Variants in WWP2 observed in about 807,000 individuals in gnomAD.
The protein encoded by WWP2 is WW domain containing E3 ubiquitin protein ligase 2.
Under a neutral mutation model 121.0 loss-of-function variants are expected in WWP2, and 57 were observed. The observed-to-expected ratio is 0.47, with a 90% confidence interval of 0.38 to 0.59. The LOEUF (loss-of-function observed/expected upper bound fraction) is 0.59. Among genes scored for constraint, WWP2 ranks in the 20% least tolerant of loss-of-function variants. The pLI, the probability that WWP2 is intolerant of heterozygous loss-of-function variation, is 0.00. For synonymous variants in WWP2, 449 were observed against 441.3 expected (o/e 1.02, Z -0.22); for missense variants, 962 against 1,158.9 (o/e 0.83, Z 2.47).
intron 1 of WWP2, among the ~76,000 whole-genome samples, chr16:69,784,967 G>A (rs560848093): frequency 6.6e-6 from 1 of 151,876 alleles, no homozygotes; most frequent in South Asian, 2.1e-4. Flanking sequence ...CGAGTGCAGT[G>A]GTTCACACCT....
At chr16:69,860,853 A>AG (rs397934680) in intron 6 of WWP2, among the ~76,000 whole-genome samples, 3,560 of 148,158 alleles carry the variant, frequency 0.024, 138 homozygotes, top group African/African-American at 0.083. Context: ...AAAAAAAAAA[A>AG]GGAAAGAAAG....
rs778928521 is a variant in WWP2, at chr16:69,925,523, T to C, written c.1234+39T>C. ...TCTCTTCCTGGCCCTTGGCCTTCCGTCAGCCACGGTGCTCTGTCCTCTCCT... is the reference window on the plus strand; with the variant it reads ...TCTCTTCCTGGCCCTTGGCCTTCCGCCAGCCACGGTGCTCTGTCCTCTCCT... On this transcript the variant is annotated intron_variant, in intron 11 of 23. Transcript: ENST00000359154. The surrounding 1 kb of genome is among the most constrained non-coding windows in gnomAD (Gnocchi z 4.0). The C allele has an allele frequency of 2.5e-6, 4 of 1,610,756 alleles. No homozygotes were observed. The South Asian group carries it at 4.4e-5, about 18-fold the overall frequency.
chr16:69,838,996 G>C lies in WWP2; in HGVS notation c.341-1130G>C, dbSNP rs990978193. ...AGAGGGATTTAGAGCAGTCTTTTTT[G>C]GGGGGGTGGGGGAAGGGGGGTTATC... is the stretch of plus-strand genomic sequence containing the variant. On this transcript the variant is annotated intron_variant, in intron 4 of 23. Transcript: ENST00000359154. The C allele has an allele frequency of 1.3e-5, 5 of 380,374 alleles. No individual in the cohort carries two copies. In the Admixed American group the frequency reaches 2.0e-4, roughly 16 times the overall value. 23.6% of individuals were successfully genotyped at this position (380,374 alleles called of 1,614,324 possible).
At chr16:69,794,359 T>A (rs891367399) in intron 2 of WWP2, among the ~76,000 whole-genome samples, 1 of 152,026 alleles carries the variant, frequency 6.6e-6, no homozygotes, top group Admixed American at 6.6e-5. Flanking sequence ...GGAAACCCTG[T>A]CTCTACAAAA....
At chr16:69,882,907 C>T (rs2057856506) in intron 7 of WWP2, among the ~76,000 whole-genome samples, 2 of 152,152 alleles carry the variant, frequency 1.3e-5, no homozygotes, top group African/African-American at 4.8e-5. Flanking sequence ...ACTCCCAGAA[C>T]TTTGGGAGGC....
rs182716735 is a variant in WWP2, at chr16:69,906,307, T to C, written c.915-2454T>C. The stretch of plus-strand genomic sequence containing the variant: ...CAGGATGATCTTGATCTCCTGACCT[T>C]GTGATCTGCCCGCCTTGGCCTCCCA... On this transcript the variant is annotated intron_variant, in intron 8 of 23. Transcript: ENST00000359154. 2.0e-3 allele frequency among the ~76,000 whole-genome samples: 299 copies of C among 152,188 alleles called. 1 individual carries two copies. Among genetic ancestry groups the C allele is most frequent in the Non-Finnish European group, 2.7e-3 (185 of 68,000 alleles).
At chr16:69,830,205 T>C (rs2056769931) in intron 4 of WWP2, among the ~76,000 whole-genome samples, 1 of 152,190 alleles carries the variant, frequency 6.6e-6, no homozygotes, top group Admixed American at 6.5e-5. Flanking sequence ...TCTCTCTGCC[T>C]TGGCCTCCCA....
intron 4 of WWP2, among the ~76,000 whole-genome samples, chr16:69,812,161 C>CTTTTTTTTTT (rs1021541952): frequency 9.2e-6 from 1 of 108,438 alleles, no homozygotes; most frequent in African/African-American, 3.7e-5. Context: ...GAGTACAGAC[C>CTTTTTTTTTT]TTTTTTTTTT....
intron 7 of WWP2, among the ~76,000 whole-genome samples, chr16:69,885,779 T>C (rs149647457): frequency 7.7e-4 from 117 of 152,318 alleles, no homozygotes; most frequent in Non-Finnish European, 1.2e-3. Flanking sequence ...ATATCAATTG[T>C]AACTAACTTG....
intron 8 of WWP2, among the ~76,000 whole-genome samples, chr16:69,889,765 C>T (rs1318777230): frequency 1.3e-5 from 2 of 152,170 alleles, no homozygotes; most frequent in Non-Finnish European, 2.9e-5. Context: ...GGAGGAAACC[C>T]ACATCTGTGT....
At position 69,937,111 on chromosome 16, in the gene WWP2, G is replaced by A; in HGVS notation, c.2118-7G>A. ...AGACTCCACCCATGGCTGCTCTTTG[G>A]TCTCAGGCTGCTGACTGACTGGCGT... On this transcript the variant is annotated splice_polypyrimidine_tract_variant and splice_region_variant and intron_variant, in intron 19 of 23. Transcript: ENST00000359154. This position sits in a 1 kb window ranked among gnomAD's most constrained non-coding sequence, Gnocchi z 6.6. The A allele has an allele frequency of 1.2e-6, 2 of 1,613,760 alleles. No individual in the cohort carries two copies. The highest frequency in any genetic ancestry group is 1.7e-6 in the Non-Finnish European group (2 of 1,179,850).
intron 16 of WWP2, among the ~76,000 whole-genome samples, chr16:69,933,475 G>A (rs1435175932): frequency 2.6e-5 from 4 of 152,168 alleles, no homozygotes; most frequent in Admixed American, 6.5e-5. Context: ...GTCATGGATC[G>A]GGGTTGGAAA....
intron 4 of WWP2, among the ~76,000 whole-genome samples, chr16:69,814,441 C>T (rs935144151): frequency 3.3e-4 from 18 of 54,514 alleles, no homozygotes; most frequent in African/African-American, 1.1e-3. Context: ...CCCTGGCACT[C>T]AACACTATTT....
intron 6 of WWP2, among the ~76,000 whole-genome samples, chr16:69,854,222 T>C (rs2057269885): frequency 6.6e-6 from 1 of 152,242 alleles, no homozygotes; most frequent in Admixed American, 6.5e-5. Flanking sequence ...AATGACTTTC[T>C]AGTCTTGAGA....
chr16:69,917,856 G>A lies in WWP2; in HGVS notation c.1152G>A (p.Gln384=), dbSNP rs971014815. 1 of 1,612,580 alleles carries A rather than the reference G, an allele frequency of 6.2e-7. No individual in the cohort carries two copies. Among genetic ancestry groups the A allele is most frequent in the Non-Finnish European group, 8.5e-7 (1 of 1,178,616 alleles). ...SQRNQLQGAM[Q]HFSQRFLYQS... is the part of the protein sequence containing the mutation. ...GGAATCAGCTCCAGGGGGCCATGCA[G>A]CACTTCAGCCAAAGATTCCTCTACC... The change falls in exon 10 of 24, where the codon CAG becomes CAA. Residue 384 remains glutamine (Q), a synonymous_variant. Transcript: ENST00000359154.
At chr16:69,908,262 A>G (rs2058326033) in intron 8 of WWP2, among the ~76,000 whole-genome samples, 1 of 152,106 alleles carries the variant, frequency 6.6e-6, no homozygotes, top group Non-Finnish European at 1.5e-5. Flanking sequence ...AATAAATAAT[A>G]GTAAAGAATC....
intron 4 of WWP2, among the ~76,000 whole-genome samples, chr16:69,819,878 C>T (rs765224217): frequency 2.6e-5 from 4 of 152,166 alleles, no homozygotes; most frequent in Admixed American, 1.3e-4. Context: ...TTTCCACCTC[C>T]AGCCCCTGGC....
rs137975713 is a variant in WWP2 at position 69,939,807 on chromosome 16, A to T, written c.2514-34A>T. 7.4e-4 allele frequency: 1,183 copies of T among 1,595,962 alleles called. 7 individuals carry two copies. In the African/African-American group the frequency reaches 0.014, roughly 20 times the overall value. On this transcript the variant is annotated intron_variant, in intron 23 of 23. Transcript: ENST00000359154. ...GGGGCTATCAGAGCCCTGGCCTCCT[A>T]GGGCTGACTGTCGTGCTTCCCCACT...
At chr16:69,845,090 C>T (rs2057045461) in intron 6 of WWP2, among the ~76,000 whole-genome samples, 1 of 152,038 alleles carries the variant, frequency 6.6e-6, no homozygotes, top group South Asian at 2.1e-4. Flanking sequence ...CATTTACTTG[C>T]TATATGATTT....
Sources: gnomAD v4.1 joint callset for allele counts (sites outside exome capture counted in the v4.1 genomes callset) on GRCh38, gnomAD v4.1.1 for gene constraint, Gnocchi (gnomAD v3.1) non-coding constraint, MANE v1.5 for transcripts, NCBI Gene and HGNC (gene_info 2026-07-23, HGNC 2026-07-21) for gene names.